The following NLGN1 variants were observed in gnomAD, a reference collection of about 807,000 sequenced individuals.
NLGN1 encodes neuroligin-1.
Under a neutral mutation model 65.5 loss-of-function variants are expected in NLGN1, and 12 were observed. That is an observed-to-expected ratio of 0.18 (90% confidence interval 0.12 to 0.30). The LOEUF is 0.30. NLGN1 is among the 10% of genes least tolerant of loss of function. The pLI is 1.00. For missense variants in NLGN1, 750 were observed against 1,007.1 expected (o/e 0.74, Z 3.46); for synonymous variants, 350 against 359.5 (o/e 0.97, Z 0.30).
intron 4 of NLGN1, among the ~76,000 whole-genome samples, chr3:173,987,820 G>A (rs1478220717): frequency 6.6e-6 from 1 of 152,138 alleles, no homozygotes; most frequent in East Asian, 1.9e-4. Flanking sequence ...GCATTTTTCG[G>A]TAAGGGAGAC....
chr3:174,122,501 C>A (rs1717987664), intron 4 of NLGN1, among the ~76,000 whole-genome samples: 1 of 152,186 alleles, frequency 6.6e-6, no homozygotes, highest in Non-Finnish European at 1.5e-5. Context: ...CTTTTATTAT[C>A]TTCTACCTAG....
intron 3 of NLGN1, among the ~76,000 whole-genome samples, chr3:173,747,990 G>A (rs1419013987): frequency 6.6e-6 from 1 of 150,636 alleles, no homozygotes; most frequent in Non-Finnish European, 1.5e-5. Flanking sequence ...GGTTGAGATA[G>A]GGTTTTACCA....
In NLGN1 at chr3:173,816,975, A is replaced by C. The variant is rs1017590939; in HGVS notation, c.646+9143A>C. Reference sequence around the variant, plus strand: ...CTGATTATCTTCTGTTTATATTGGTATTGTTCATTTTGTTATTGTCTAGCT... The same window carrying C: ...CTGATTATCTTCTGTTTATATTGGTCTTGTTCATTTTGTTATTGTCTAGCT... On this transcript the variant is annotated intron_variant, in intron 4 of 6. Transcript: ENST00000457714. Among the ~76,000 whole-genome samples the C allele has an allele frequency of 2.6e-5, 4 of 152,186 alleles. No individual in the cohort carries two copies. The South Asian group carries it at 8.3e-4, about 31-fold the overall frequency.
intron 4 of NLGN1, among the ~76,000 whole-genome samples, chr3:173,888,283 T>C (rs746982850): frequency 2.6e-5 from 4 of 151,990 alleles, no homozygotes; most frequent in Non-Finnish European, 5.9e-5. Flanking sequence ...CCTCAGATGC[T>C]CAAATCCGTT....
intron 2 of NLGN1, among the ~76,000 whole-genome samples, chr3:173,486,884 T>C (rs1728257118): frequency 6.6e-6 from 1 of 151,926 alleles, no homozygotes; most frequent in Non-Finnish European, 1.5e-5. Context: ...ACATCTTAAG[T>C]TTCAAGTTTA....
At chr3:173,474,741 C>T (rs974036350) in intron 2 of NLGN1, among the ~76,000 whole-genome samples, 2 of 151,946 alleles carry the variant, frequency 1.3e-5, no homozygotes, top group Admixed American at 1.3e-4. Context: ...GGGTGGATCA[C>T]GAGGTCAGGA....
At chr3:173,837,193 C>T (rs766915896) in intron 4 of NLGN1, among the ~76,000 whole-genome samples, 10 of 151,984 alleles carry the variant, frequency 6.6e-5, no homozygotes, top group African/African-American at 1.4e-4. Flanking sequence ...TAAGAGTATG[C>T]GATTTTCATT....
Position 173,781,453 on chromosome 3 carries a change from A to C in NLGN1, c.494-26227A>C, listed in dbSNP as rs144397115. On this transcript the variant is annotated intron_variant, in intron 3 of 6. Transcript: ENST00000457714. ...CATTTTAGTAAATATAAAAAAATTG[A>C]ATTTGTTCACTGTTATGGATTATCT... 3.4e-3 allele frequency among the ~76,000 whole-genome samples: 519 copies of C among 152,284 alleles called. 1 individual carries two copies. Among genetic ancestry groups the C allele is most frequent in the African/African-American group, 0.012 (483 of 41,544 alleles).
At chr3:174,125,355 G>C (rs577141991) in intron 4 of NLGN1, among the ~76,000 whole-genome samples, 1 of 152,180 alleles carries the variant, frequency 6.6e-6, no homozygotes, top group South Asian at 2.1e-4. Context: ...ATATTTAAGA[G>C]GAAGTCATAA....
rs565103800 is a variant in NLGN1, at chr3:173,852,219, G to A, written c.646+44387G>A. 6.6e-5 allele frequency among the ~76,000 whole-genome samples: 10 copies of A among 150,818 alleles called. No homozygotes were observed. In the East Asian group the frequency reaches 8.0e-4, roughly 12 times the overall value. ...AAAATACAAAAAATTAGCCGGGCGT[G>A]GTAGCGGGCGCCTGTAGTCCCAGCT... On this transcript the variant is annotated intron_variant, in intron 4 of 6. Transcript: ENST00000457714.
At chr3:173,880,007 C>A (rs895557968) in intron 4 of NLGN1, among the ~76,000 whole-genome samples, 5 of 152,056 alleles carry the variant, frequency 3.3e-5, no homozygotes, top group Non-Finnish European at 7.4e-5. Flanking sequence ...AATTTTATTT[C>A]TTTGTAGCTA....
intron 4 of NLGN1, among the ~76,000 whole-genome samples, chr3:174,211,577 G>T (rs1351105625): frequency 6.6e-6 from 1 of 151,258 alleles, no homozygotes; most frequent in South Asian, 2.1e-4. Flanking sequence ...TAGACATAAA[G>T]GTTCTCCACG....
intron 4 of NLGN1, among the ~76,000 whole-genome samples, chr3:173,869,544 A>T (rs1208976032): frequency 6.6e-6 from 1 of 152,176 alleles, no homozygotes; most frequent in Non-Finnish European, 1.5e-5. Flanking sequence ...CAAATCTACC[A>T]TTAAGAGGAC....
chr3:173,577,050 T>A (rs1745608252), intron 2 of NLGN1, among the ~76,000 whole-genome samples: 1 of 152,206 alleles, frequency 6.6e-6, no homozygotes, highest in African/African-American at 2.4e-5. Flanking sequence ...TGCTTTTTTC[T>A]GTTTAGCAAA....
At chr3:174,092,961 T>G (rs988040352) in intron 4 of NLGN1, among the ~76,000 whole-genome samples, 3 of 152,178 alleles carry the variant, frequency 2.0e-5, no homozygotes, top group Non-Finnish European at 4.4e-5. Flanking sequence ...CACCAGGATT[T>G]TAGAAAGGAG....
At chr3:173,825,747 T>C (rs989516083) in intron 4 of NLGN1, among the ~76,000 whole-genome samples, 2 of 152,116 alleles carry the variant, frequency 1.3e-5, no homozygotes, top group African/African-American at 4.8e-5. Flanking sequence ...TTTGATCTTT[T>C]ATATCAGATC....
chr3:174,143,953 C>T (rs1722741428), intron 4 of NLGN1, among the ~76,000 whole-genome samples: 2 of 152,066 alleles, frequency 1.3e-5, no homozygotes, highest in Non-Finnish European at 1.5e-5. Flanking sequence ...CTCTGGGATA[C>T]ATGTACAGAG....
At chr3:173,697,237 A>G (rs9869901) in intron 3 of NLGN1, among the ~76,000 whole-genome samples, 85 of 152,216 alleles carry the variant, frequency 5.6e-4, no homozygotes, top group African/African-American at 2.0e-3. Context: ...ATATGACAGC[A>G]TGTCAGAAGG....
chr3:173,437,362 C>T (rs1434418197), intron 2 of NLGN1, among the ~76,000 whole-genome samples: 4 of 152,164 alleles, frequency 2.6e-5, no homozygotes, highest in Admixed American at 2.6e-4. Context: ...CCTGATTACT[C>T]ACTGTGACCA....
Sources: gnomAD v4.1 joint callset for allele counts (sites outside exome capture counted in the v4.1 genomes callset) on GRCh38, gnomAD v4.1.1 for gene constraint, MANE v1.5 for transcripts, NCBI Gene and HGNC (gene_info 2026-07-23, HGNC 2026-07-21) for gene names.